The following MBNL2 variants were observed in gnomAD, a reference collection of about 807,000 sequenced individuals.
MBNL2 encodes muscleblind like splicing regulator 2.
Under a neutral mutation model 41.9 loss-of-function variants are expected in MBNL2, and 17 were observed. The ratio of observed to expected loss-of-function variants is 0.41; its 90% CI spans 0.28 to 0.61. The LOEUF (loss-of-function observed/expected upper bound fraction) is 0.61, where lower values mean the gene tolerates loss of function less well. Ranked by LOEUF, MBNL2 falls within the 20% of genes least tolerant of loss-of-function variation. The pLI is 0.35. For missense variants in MBNL2, 336 were observed against 505.6 expected, an observed-to-expected ratio of 0.66 and a Z score of 3.22; for synonymous variants, 195 against 182.9, an observed-to-expected ratio of 1.07 and a Z score of -0.53.
chr13:97,145,773 T>C, the MBNL2 span, among the ~76,000 whole-genome samples: 1 of 152,092 alleles, frequency 6.6e-6, no homozygotes, highest in African/African-American at 2.4e-5. Context: ...TAGTTCTGAG[T>C]TCTTGAGCCC....
chr13:97,263,057 G>A (rs2048953294), intron 1 of MBNL2, among the ~76,000 whole-genome samples: 1 of 152,152 alleles, frequency 6.6e-6, no homozygotes, highest in Admixed American at 6.5e-5. Context: ...AAAGTGCTGG[G>A]ATTACAGGCT....
chr13:97,373,476 A>C (rs998572071), intron 8 of MBNL2, among the ~76,000 whole-genome samples: 28 of 152,044 alleles, frequency 1.8e-4, no homozygotes, highest in African/African-American at 6.8e-4. Flanking sequence ...AAAAAAAAAA[A>C]AACTATAAAA....
the MBNL2 span, among the ~76,000 whole-genome samples, chr13:97,194,107 A>G: frequency 6.6e-6 from 1 of 152,224 alleles, no homozygotes; most frequent in African/African-American, 2.4e-5. Flanking sequence ...CTCTGAACAT[A>G]CCACTCAAAG....
At chr13:97,226,190 G>C (rs1272060274) in intron 1 of MBNL2, among the ~76,000 whole-genome samples, 1 of 152,130 alleles carries the variant, frequency 6.6e-6, no homozygotes, top group Non-Finnish European at 1.5e-5. Context: ...GGCCTCCTCT[G>C]CTGAGAGTAA....
chr13:97,320,682 G>A (rs1367970473), intron 2 of MBNL2, among the ~76,000 whole-genome samples: 1 of 152,054 alleles, frequency 6.6e-6, no homozygotes, highest in Non-Finnish European at 1.5e-5. Context: ...GGGAGGCCGA[G>A]GTGGGTGGAT....
chr13:97,295,069 G>A (rs2056810081), intron 2 of MBNL2, among the ~76,000 whole-genome samples: 1 of 152,190 alleles, frequency 6.6e-6, no homozygotes, highest in African/African-American at 2.4e-5. Flanking sequence ...TGAACTGGAT[G>A]TGTTCACCCT....
upstream of MBNL2, among the ~76,000 whole-genome samples, chr13:97,217,838 A>G (rs567230387): frequency 1.4e-4 from 21 of 152,162 alleles, no homozygotes; most frequent in African/African-American, 5.1e-4. Context: ...GCAGAGAGGT[A>G]AGGAACAGGT....
intron 2 of MBNL2, 117 bp downstream of exon 2, chr13:97,276,526 T>C (rs1439252939): frequency 6.1e-6 from 6 of 990,464 alleles, no homozygotes; most frequent in Admixed American, 2.2e-5. Flanking sequence ...TTTTCTTGTT[T>C]GTGGTGACTG....
the MBNL2 span, among the ~76,000 whole-genome samples, chr13:97,194,414 G>C: frequency 6.6e-6 from 1 of 152,150 alleles, no homozygotes; most frequent in Non-Finnish European, 1.5e-5. Context: ...CATAGCACAA[G>C]TCAAACCCTT....
At chr13:97,148,112 G>C in the MBNL2 span, among the ~76,000 whole-genome samples, 1 of 152,092 alleles carries the variant, frequency 6.6e-6, no homozygotes, top group Non-Finnish European at 1.5e-5. Flanking sequence ...TTACATAAGA[G>C]GAAAAGAATA....
the MBNL2 span, among the ~76,000 whole-genome samples, chr13:97,167,588 CT>C: frequency 6.6e-6 from 1 of 152,028 alleles, no homozygotes; most frequent in Non-Finnish European, 1.5e-5. Context: ...TTATATTTTC[CT>C]TTTTAAATAA....
the MBNL2 span, among the ~76,000 whole-genome samples, chr13:97,195,242 C>A: frequency 6.6e-6 from 1 of 152,136 alleles, no homozygotes; most frequent in East Asian, 1.9e-4. Flanking sequence ...GCCTTGTTCT[C>A]GAGAACTCAG....
chr13:97,268,248 C>T lies in MBNL2; in HGVS notation c.-604-7384C>T, dbSNP rs370041146. Among the ~76,000 whole-genome samples, 16 of 152,176 alleles carry T rather than the reference C, an allele frequency of 1.1e-4. No individual in the cohort carries two copies. Among genetic ancestry groups the T allele is most frequent in the African/African-American group, 3.9e-4 (16 of 41,432 alleles). The stretch of plus-strand genomic sequence containing the variant: ...TAGCTGGGATTACAGGCGTGCGCCA[C>T]CATGCACGCCCGGCTAAATTTTTTT... On this transcript the variant is annotated intron_variant, in intron 1 of 8. Transcript: ENST00000679496. The surrounding 1 kb of genome is among the most constrained non-coding windows in gnomAD (Gnocchi z 4.6).
At chr13:97,202,499 C>T in the MBNL2 span, among the ~76,000 whole-genome samples, 1 of 152,042 alleles carries the variant, frequency 6.6e-6, no homozygotes, top group South Asian at 2.1e-4. Context: ...TTAGAATAGC[C>T]CCTAGCACAT....
At chr13:97,257,845 G>A (rs929691651) in intron 1 of MBNL2, among the ~76,000 whole-genome samples, 1 of 152,232 alleles carries the variant, frequency 6.6e-6, no homozygotes, top group Non-Finnish European at 1.5e-5. Flanking sequence ...GAAGAACCAC[G>A]TGTGCATCTC....
rs1040202580 is a variant in MBNL2 at position 97,384,946 on chromosome 13, AGGGAGAAT to A, written c.1049-6364_1049-6357del. ...TTCCCCTTTATCTATAATGGGGAGT[AGGGAGAAT>A]GGGAGAATGGGGAGGGAATGTTTAT... On this transcript the variant is annotated intron_variant, in intron 8 of 8. Coordinates refer to ENST00000679496, the MANE Select transcript of MBNL2 (RefSeq NM_001382683.1). Among the ~76,000 whole-genome samples the A allele has an allele frequency of 7.9e-5, 12 of 152,210 alleles. No homozygotes were observed. The East Asian group carries it at 9.7e-4, about 12-fold the overall frequency.
the MBNL2 span, among the ~76,000 whole-genome samples, chr13:97,189,634 ATG>A: frequency 1.0e-3 from 157 of 152,334 alleles, no homozygotes; most frequent in Admixed American, 2.9e-3. Context: ...GTAAATATGT[ATG>A]TGTGTCCATT....
At chr13:97,149,089 T>TA in the MBNL2 span, among the ~76,000 whole-genome samples, 21 of 152,216 alleles carry the variant, frequency 1.4e-4, no homozygotes, top group Non-Finnish European at 2.9e-4. Flanking sequence ...TGTGGCTGTT[T>TA]ATCTTGGAGA....
At chr13:97,211,552 T>C in the MBNL2 span, among the ~76,000 whole-genome samples, 1,382 of 152,336 alleles carry the variant, frequency 9.1e-3, 74 homozygotes, top group Admixed American at 0.083. Flanking sequence ...CAGAGATCTA[T>C]AAAGCTGTGG....
Sources: gnomAD v4.1 joint callset for allele counts (sites outside exome capture counted in the v4.1 genomes callset) on GRCh38, gnomAD v4.1.1 for gene constraint, Gnocchi (gnomAD v3.1) non-coding constraint, MANE v1.5 for transcripts, NCBI Gene and HGNC (gene_info 2026-07-23, HGNC 2026-07-21) for gene names.